CAD: variants seen among roughly 807,000 people sequenced by gnomAD.
The protein encoded by CAD is multifunctional protein CAD.
In CAD, 81 loss-of-function variants were observed where a neutral mutation model predicts 237.2. The ratio of observed to expected loss-of-function variants is 0.34; its 90% CI spans 0.29 to 0.41. The LOEUF is 0.41. CAD is among the 10% of genes least tolerant of loss of function. The pLI, the probability that CAD is intolerant of heterozygous loss-of-function variation, is 1.00. For synonymous variants in CAD, 1,196 were observed against 1,162.8 expected, an observed-to-expected ratio of 1.03 and a Z score of -0.58; for missense variants, 2,181 against 2,951.7, an observed-to-expected ratio of 0.74 and a Z score of 6.05.
In CAD at chr2:27,232,872, C is replaced by G. The variant is rs957496799; in HGVS notation, c.2893-170C>G. ...CCCACACGGTATATGAATCTCTTCCCCAACACTTTGTACCTCCTTCCCTCC... is the reference window on the plus strand; with the variant it reads ...CCCACACGGTATATGAATCTCTTCCGCAACACTTTGTACCTCCTTCCCTCC... On this transcript the variant is annotated intron_variant, in intron 18 of 43. Coordinates refer to ENST00000264705, the MANE Select transcript of CAD (RefSeq NM_004341.5). The surrounding 1 kb of genome is among the most constrained non-coding windows in gnomAD (Gnocchi z 4.1). Among the ~76,000 whole-genome samples, 1 of 152,126 alleles carries G rather than the reference C, an allele frequency of 6.6e-6. No individual in the cohort carries two copies. The highest frequency in any genetic ancestry group is 2.4e-5 in the African/African-American group (1 of 41,396).
At position 27,221,342 on chromosome 2, in the gene CAD, T is replaced by G; in HGVS notation, c.347T>G (p.Leu116Trp). ...EWLQQHGIPG[L>W]QGVDTRELTK... Reference sequence around the variant, plus strand: ...CTGCAGCAGCATGGCATCCCTGGCTTGCAAGGTATGGTGGCAAGCAGGGGC... The same window carrying G: ...CTGCAGCAGCATGGCATCCCTGGCTGGCAAGGTATGGTGGCAAGCAGGGGC... The change falls in exon 3 of 44, where the codon TTG (leucine) becomes TGG (tryptophan). Residue 116 changes from leucine (L) to tryptophan (W), a missense_variant. Physicochemically the swap from Leu to Trp is moderately conservative, Grantham distance 61 (BLOSUM62 -2). Around this residue, in one of 12 missense-constraint regions of CAD, gnomAD observed 314 missense variants for 339.4 expected, o/e 0.93. Transcript: ENST00000264705. 3 of 1,571,256 alleles carry G rather than the reference T, an allele frequency of 1.9e-6. No homozygotes were observed. Among genetic ancestry groups the G allele is most frequent in the Non-Finnish European group, 2.6e-6 (3 of 1,160,828 alleles).
chr2:27,233,765 A>G lies in CAD; in HGVS notation c.3356A>G (p.Lys1119Arg). The G allele has an allele frequency of 6.2e-7, 1 of 1,614,130 alleles. No individual in the cohort carries two copies. Among genetic ancestry groups the G allele is most frequent in the Non-Finnish European group, 8.5e-7 (1 of 1,180,030 alleles). The change falls in exon 21 of 44, where the codon AAA (lysine) becomes AGA (arginine). Residue 1119 changes from lysine to arginine, a missense_variant. Coordinates refer to ENST00000264705, the MANE Select transcript of CAD (RefSeq NM_004341.5). This position sits in a 1 kb window ranked among gnomAD's most constrained non-coding sequence, Gnocchi z 6.3. ...CTGAGCAGCGCAGCAGCCGTCTCCA[A>G]AGAGCATCCCGTGGTCATCTCCAAG... Reference protein sequence around the residue: ...RFLSSAAAVSKEHPVVISKFI... With the variant: ...RFLSSAAAVSREHPVVISKFI...
rs1675153172 is a variant in CAD at position 27,221,304 on chromosome 2, C to T, written c.309C>T (p.Thr103=). The change falls in exon 3 of 44, where the codon ACC becomes ACT. Residue 103 remains threonine (T), a synonymous_variant. Coordinates refer to ENST00000264705, the MANE Select transcript of CAD (RefSeq NM_004341.5). ...PTPSHWSATR[T]LHEWLQQHGI... ...CCAGCCACTGGAGTGCCACCCGCAC[C>T]CTGCATGAGTGGCTGCAGCAGCATG... 2 of 1,586,582 alleles carry T rather than the reference C, an allele frequency of 1.3e-6. No individual in the cohort carries two copies. The highest frequency in any genetic ancestry group is 2.3e-5 in the South Asian group (2 of 86,130).
rs1227819139 is a variant in CAD at position 27,217,539 on chromosome 2, G to T, written c.-13G>T. On this transcript the variant is annotated 5_prime_UTR_variant, in exon 1 of 44. Transcript: ENST00000264705. The stretch of plus-strand genomic sequence containing the variant: ...CTTCTCCGTACTCGCCCCCGCCTCT[G>T]AGCTCCCTTCCCATGGCGGCCCTAG... 2 of 1,600,070 alleles carry T rather than the reference G, an allele frequency of 1.2e-6. No individual in the cohort carries two copies. The highest frequency in any genetic ancestry group is 1.7e-6 in the Non-Finnish European group (2 of 1,173,430).
Position 27,232,733 on chromosome 2 carries a change from C to T in CAD, c.2892+39C>T. The T allele has an allele frequency of 6.2e-7, 1 of 1,611,620 alleles. No homozygotes were observed. Among genetic ancestry groups the T allele is most frequent in the Non-Finnish European group, 8.5e-7 (1 of 1,178,198 alleles). On this transcript the variant is annotated intron_variant, in intron 18 of 43. Transcript: ENST00000264705. The surrounding 1 kb of genome is among the most constrained non-coding windows in gnomAD (Gnocchi z 4.1). ...TTTTCTTTCCACTTTCCTTGCTATT[C>T]TGTTCATCTCTAGCAATTGCTTGGC...
At chr2:27,220,483 T>C (rs1675105814) in intron 2 of CAD, among the ~76,000 whole-genome samples, 1 of 146,072 alleles carries the variant, frequency 6.8e-6, no homozygotes, top group Non-Finnish European at 1.5e-5. Context: ...ACGCTGTCAC[T>C]ACAAAAAATT....
chr2:27,224,911 C>T, intron 10 of CAD, 35 bp downstream of exon 10: 1 of 1,613,984 alleles, frequency 6.2e-7, no homozygotes. Flanking sequence ...GAAAAGAGGA[C>T]TGGGCAGGGG....
At chr2:27,234,926 G>C (rs1229269728) in intron 23 of CAD, among the ~76,000 whole-genome samples, 2 of 152,218 alleles carry the variant, frequency 1.3e-5, no homozygotes, top group African/African-American at 4.8e-5. Context: ...TATTCGACCT[G>C]TAAACAGAAT....
Position 27,223,000 on chromosome 2 carries a change from T to C in CAD, c.772T>C (p.Leu258=). The stretch of plus-strand genomic sequence containing the variant: ...TGGGATCTGCCTGGGACACCAGCTA[T>C]TGGCCTTAGCCATTGGGGCCAAGAC... ...VFGICLGHQL[L]ALAIGAKTYK... is the part of the protein sequence containing the mutation. The change falls in exon 6 of 44, where the codon TTG becomes CTG. Residue 258 remains leucine, a synonymous_variant. Transcript: ENST00000264705. 6.2e-7 allele frequency: 1 copy of C among 1,614,212 alleles called. No individual in the cohort carries two copies. Among genetic ancestry groups the C allele is most frequent in the Non-Finnish European group, 8.5e-7 (1 of 1,180,026 alleles).
chr2:27,221,652 G>A (rs1273333350), intron 3 of CAD, among the ~76,000 whole-genome samples: 1 of 150,524 alleles, frequency 6.6e-6, no homozygotes, highest in African/African-American at 2.4e-5. Flanking sequence ...CAATATCTAT[G>A]CAAAAGGAAT....
intron 7 of CAD, 58 bp downstream of exon 7, chr2:27,223,806 A>C (rs1675297309): frequency 6.3e-7 from 1 of 1,592,550 alleles, no homozygotes; most frequent in African/African-American, 1.3e-5. Flanking sequence ...TTGATGATGG[A>C]AAAGTAAAGC....
chr2:27,236,770 G>T lies in CAD; in HGVS notation c.4336G>T (p.Ala1446Ser). The T allele has an allele frequency of 6.2e-7, 1 of 1,614,182 alleles. No homozygotes were observed. Among genetic ancestry groups the T allele is most frequent in the Non-Finnish European group, 8.5e-7 (1 of 1,180,044 alleles). Residue 1446 changes from alanine to serine, a missense_variant, in exon 27 of 44, where the codon GCC (alanine) becomes TCC (serine). By Grantham distance (99) the Ala-to-Ser change is moderately conservative. Transcript: ENST00000264705. This position sits in a 1 kb window ranked among gnomAD's most constrained non-coding sequence, Gnocchi z 4.1. ...GCAGGCCCTAGGCCAGATCGGGCCA[G>T]CCCCTCCTTTGAAGGTGCATGTTGA... ...FVEALGQIGP[A>S]PPLKVHVDCM...
chr2:27,234,823 G>T, intron 23 of CAD, 138 bp downstream of exon 23: 1 of 825,622 alleles, frequency 1.2e-6, no homozygotes. Context: ...GGTGGTCATT[G>T]TCCCTTAAGA....
At chr2:27,228,286 A>G (rs915074219) in intron 15 of CAD, among the ~76,000 whole-genome samples, 7 of 152,330 alleles carry the variant, frequency 4.6e-5, no homozygotes, top group Admixed American at 2.0e-4. Flanking sequence ...GTTTATGCCC[A>G]CTTCTTAGAA....
Position 27,242,787 on chromosome 2 carries a change from A to C in CAD, c.6378+12A>C. On this transcript the variant is annotated intron_variant, in intron 41 of 43. Transcript: ENST00000264705. This position sits in a 1 kb window ranked among gnomAD's most constrained non-coding sequence, Gnocchi z 6.4. ...GCGGCACCAAGCAGGTGAGACCCTC[A>C]CAGCCCTGCCTGGAAGCCATGGAGA... 1 of 1,614,164 alleles carries C rather than the reference A, an allele frequency of 6.2e-7. No individual in the cohort carries two copies. Among genetic ancestry groups the C allele is most frequent in the Non-Finnish European group, 8.5e-7 (1 of 1,180,016 alleles).
Position 27,233,733 on chromosome 2 carries a change from G to A in CAD, c.3324G>A (p.Glu1108=), listed in dbSNP as rs1318870892. The A allele has an allele frequency of 2.5e-6, 4 of 1,614,022 alleles. No individual in the cohort carries two copies. The African/African-American group carries it at 4.0e-5, about 16-fold the overall frequency. The change falls in exon 21 of 44, where the codon GAG becomes GAA. Residue 1108 remains glutamate (E), a synonymous_variant. Transcript: ENST00000264705. This position sits in a 1 kb window ranked among gnomAD's most constrained non-coding sequence, Gnocchi z 6.3. The part of the protein sequence containing the change: ...MNVAYTDGDL[E]RFLSSAAAVS... ...TGGCCTACACGGATGGAGACCTGGA[G>A]CGCTTCCTGAGCAGCGCAGCAGCCG...
Position 27,236,642 on chromosome 2 carries a change from G to C in CAD, c.4315-107G>C. On this transcript the variant is annotated intron_variant, in intron 26 of 43. Transcript: ENST00000264705. This position sits in a 1 kb window ranked among gnomAD's most constrained non-coding sequence, Gnocchi z 4.1. Reference sequence around the variant, plus strand: ...AAAGCTTTGTGGCTACAGAGGGAGAGATGGTGGGTATAGAGTGTGCAGAGC... The same window carrying C: ...AAAGCTTTGTGGCTACAGAGGGAGACATGGTGGGTATAGAGTGTGCAGAGC... The C allele has an allele frequency of 1.3e-6, 2 of 1,545,160 alleles. No individual in the cohort carries two copies. Among genetic ancestry groups the C allele is most frequent in the Admixed American group, 1.7e-5 (1 of 59,512 alleles).
In CAD at chr2:27,233,180, G is replaced by C. The variant is rs1427158864; in HGVS notation, c.2991+40G>C. On this transcript the variant is annotated intron_variant, in intron 19 of 43. Coordinates refer to ENST00000264705, the MANE Select transcript of CAD (RefSeq NM_004341.5). The surrounding 1 kb of genome is among the most constrained non-coding windows in gnomAD (Gnocchi z 6.3). ...GGCTTCCTGGTAGCTTGAGTGGCCAGGGTCGAGTAGAACAGCTGGCTGACC... is the reference window on the plus strand; with the variant it reads ...GGCTTCCTGGTAGCTTGAGTGGCCACGGTCGAGTAGAACAGCTGGCTGACC... The C allele has an allele frequency of 2.0e-6, 3 of 1,532,638 alleles. No homozygotes were observed. The highest frequency in any genetic ancestry group is 2.7e-6 in the Non-Finnish European group (3 of 1,106,218). 94.9% of individuals were successfully genotyped at this position (1,532,638 alleles called of 1,614,324 possible).
At chr2:27,220,967 A>T (rs1378403189) in intron 2 of CAD, among the ~76,000 whole-genome samples, 1 of 152,096 alleles carries the variant, frequency 6.6e-6, no homozygotes, top group African/African-American at 2.4e-5. Flanking sequence ...CAAAAAAAAT[A>T]AATAATAAAT....
Sources: gnomAD v4.1 joint callset for allele counts (sites outside exome capture counted in the v4.1 genomes callset) on GRCh38, gnomAD v4.1.1 for gene constraint, gnomAD v4.1.1 regional missense constraint, Gnocchi (gnomAD v3.1) non-coding constraint, MANE v1.5 for transcripts, NCBI Gene and HGNC (gene_info 2026-07-23, HGNC 2026-07-21) for gene names.